ZNF726: variants seen among roughly 807,000 people sequenced by gnomAD.
The protein encoded by ZNF726 is zinc finger protein 92 pseudogene 3.
Under a neutral mutation model 11.6 loss-of-function variants are expected in ZNF726, and 15 were observed. The ratio of observed to expected loss-of-function variants is 1.29; its 90% CI spans 0.86 to 1.99. ZNF726 has a LOEUF of 1.99. Ranked by LOEUF, ZNF726 falls within the 30% of genes most tolerant of loss-of-function variation. The pLI, the probability that ZNF726 is intolerant of heterozygous loss-of-function variation, is 0.00. For synonymous variants in ZNF726, 295 were observed against 243.6 expected, an observed-to-expected ratio of 1.21 and a Z score of -1.96; for missense variants, 890 against 725.6, an observed-to-expected ratio of 1.23 and a Z score of -2.60.
chr19:23,918,146 T>C (rs996597914), intron 1 of ZNF726, among the ~76,000 whole-genome samples: 2 of 152,030 alleles, frequency 1.3e-5, no homozygotes, highest in African/African-American at 4.8e-5. Flanking sequence ...GGGTAGCAGG[T>C]GTGGGATGTG....
At chr19:23,919,045 CTT>C (rs905804512) in intron 1 of ZNF726, 6 of 204,914 alleles carry the variant, frequency 2.9e-5, no homozygotes, top group Non-Finnish European at 5.9e-5. Flanking sequence ...AAACAGCTGT[CTT>C]TTTCATCTGA....
intron 3 of ZNF726, chr19:23,923,286 CAT>C (rs954809105): frequency 3.1e-6 from 1 of 318,600 alleles, no homozygotes; most frequent in Non-Finnish European, 6.0e-6. Context: ...ATATTTAAAA[CAT>C]AAAAATTGGC....
Position 23,933,179 on chromosome 19 carries a change from C to G in ZNF726, c.1063C>G (p.His355Asp). Residue 355 changes from histidine to aspartate, a missense_variant, in exon 4 of 4, where the codon CAC becomes GAC. Physicochemically the swap from His to Asp is moderately conservative, Grantham distance 81 (BLOSUM62 -1). Transcript: ENST00000594466. ...ECAKAFSQFG[H>D]LTTHRIIHTG... The stretch of plus-strand genomic sequence containing the variant: ...TGCCAAAGCTTTTAGCCAATTCGGA[C>G]ACCTTACTACACATAGGATAATTCA... The G allele has an allele frequency of 6.3e-7, 1 of 1,596,540 alleles. No homozygotes were observed. Among genetic ancestry groups the G allele is most frequent in the Non-Finnish European group, 8.5e-7 (1 of 1,172,136 alleles).
intron 1 of ZNF726, among the ~76,000 whole-genome samples, chr19:23,918,513 T>C (rs941642451): frequency 1.3e-5 from 2 of 152,214 alleles, no homozygotes; most frequent in Non-Finnish European, 2.9e-5. Context: ...AGGGCTAAAT[T>C]CAGACTGTAA....
At chr19:23,936,322 A>G (rs1968230252), downstream of ZNF726, 1 of 152,218 alleles carries the variant, frequency 6.6e-6, no homozygotes, top group Non-Finnish European at 1.5e-5. Context: ...GTTCGTGTAA[A>G]CATTATTTGT....
At chr19:23,921,502 T>C (rs1366017384) in intron 3 of ZNF726, 2 of 152,214 alleles carry the variant, frequency 1.3e-5, no homozygotes, top group Non-Finnish European at 1.5e-5. Flanking sequence ...AGTTTCACAA[T>C]ACTTATTCTT....
chr19:23,923,408 AAT>A, intron 3 of ZNF726: 1 of 396,604 alleles, frequency 2.5e-6, no homozygotes, highest in South Asian at 1.8e-5. Context: ...AGATGCCAGT[AAT>A]TTTTTTTTTT....
chr19:23,915,044 T>A, intron 1 of ZNF726, 47 bp downstream of exon 1: 2 of 1,613,576 alleles, frequency 1.2e-6, no homozygotes, highest in Non-Finnish European at 1.7e-6. Flanking sequence ...CGGGGCTGGC[T>A]GGAACCGGTG....
chr19:23,924,857 A>G (rs1967944972), intron 3 of ZNF726, among the ~76,000 whole-genome samples: 2 of 151,756 alleles, frequency 1.3e-5, no homozygotes, highest in African/African-American at 4.8e-5. Flanking sequence ...GTCCCATTGT[A>G]CTCAAACTTG....
intron 3 of ZNF726, among the ~76,000 whole-genome samples, chr19:23,941,589 A>G (rs1052430553): frequency 2.6e-5 from 4 of 152,072 alleles, no homozygotes; most frequent in African/African-American, 9.7e-5. Context: ...AATTCTGTGA[A>G]TCAGTCTGGT....
At chr19:23,932,306 A>C in intron 3 of ZNF726, 37 bp from the exon 4 acceptor site, 1 of 1,270,214 alleles carries the variant, frequency 7.9e-7, no homozygotes, top group East Asian at 2.9e-5. Context: ...TTATGTCAGT[A>C]TAGTAAGTGG....
At chr19:23,937,286 AC>A (rs957821325), downstream of ZNF726, among the ~76,000 whole-genome samples, 1 of 142,578 alleles carries the variant, frequency 7.0e-6, no homozygotes, top group East Asian at 2.2e-4. Flanking sequence ...CGGGGGGCTG[AC>A]CCCCCCACCT....
At chr19:23,919,156 A>ATTTATCCCTTT in intron 1 of ZNF726, 1 of 589,836 alleles carries the variant, frequency 1.7e-6, no homozygotes, top group East Asian at 4.4e-5. Context: ...AGTATCATAT[A>ATTTATCCCTTT]TACACTGATG....
In ZNF726 at chr19:23,933,342, C is replaced by A. The variant is rs781495458; in HGVS notation, c.1226C>A (p.Ser409Tyr). The change falls in exon 4 of 4, where the codon TCC becomes TAC. Residue 409 changes from serine to tyrosine, a missense_variant. By Grantham distance (144) the Ser-to-Tyr change is moderately radical. Transcript: ENST00000594466. ...CEECGKAFHR[S>Y]SNLTKHKIIH... ...GAATGTGGCAAAGCTTTTCATCGAT[C>A]CTCAAATCTTACTAAACATAAGATA... 1 of 1,612,752 alleles carries A rather than the reference C, an allele frequency of 6.2e-7. No individual in the cohort carries two copies.
downstream of ZNF726, among the ~76,000 whole-genome samples, chr19:23,934,890 G>A (rs550067185): frequency 6.6e-6 from 1 of 152,334 alleles, no homozygotes; most frequent in South Asian, 2.1e-4. Flanking sequence ...TTCTGGCAGG[G>A]AAAAGATACC....
rs1429286629 is a variant in ZNF726 at position 23,919,448 on chromosome 19, AATTT to A, written c.82_85del (p.Leu28IlefsTer4). The stretch of plus-strand genomic sequence containing the variant: ...GCAGTGCCTGGACACTGCACAGAAG[AATTT>A]ATATAGGAATGTGATGTTAGAGAAC... On this transcript the variant is annotated frameshift_variant, in exon 2 of 4. Transcript: ENST00000594466. LOFTEE classifies it high-confidence loss of function. The A allele has an allele frequency of 1.9e-6, 3 of 1,607,686 alleles. No homozygotes were observed. The highest frequency in any genetic ancestry group is 1.7e-4 in the Middle Eastern group (1 of 6,016).
intron 3 of ZNF726, 106 bp from the exon 4 acceptor site, chr19:23,932,235 TGC>T: frequency 1.1e-6 from 1 of 873,230 alleles, no homozygotes; most frequent in South Asian, 4.8e-5. Context: ...TGTGGTATTT[TGC>T]AAAACCATCT....
chr19:23,926,186 A>G (rs1157111820), intron 3 of ZNF726, among the ~76,000 whole-genome samples: 1 of 152,120 alleles, frequency 6.6e-6, no homozygotes, highest in Admixed American at 6.5e-5. Flanking sequence ...TTTGGTGCTC[A>G]TGCATTTAAT....
chr19:23,919,930 A>G, intron 2 of ZNF726, 57 bp from the exon 3 acceptor site: 1 of 1,226,386 alleles, frequency 8.2e-7, no homozygotes, highest in Non-Finnish European at 1.2e-6. Context: ...GCACATTACT[A>G]AGTTGGTAAT....
Sources: allele counts gnomAD v4.1 joint callset (sites outside exome capture counted in the v4.1 genomes callset), GRCh38; gene constraint gnomAD v4.1.1; transcripts MANE v1.5; gene names NCBI Gene and HGNC (gene_info 2026-07-23, HGNC 2026-07-21).